Variants in CCNY observed in about 807,000 individuals in gnomAD.
CCNY encodes cyclin-Y.
A neutral mutation model predicts 42.8 loss-of-function variants in CCNY; 19 were observed. That is an observed-to-expected ratio of 0.44 (90% CI 0.31 to 0.65). The LOEUF (loss-of-function observed/expected upper bound fraction) is 0.65. Among genes scored for constraint, CCNY ranks in the 30% least tolerant of loss-of-function variants. The pLI, the probability that CCNY is intolerant of heterozygous loss-of-function variation, is 0.07. For missense variants in CCNY, 370 were observed against 437.3 expected, an observed-to-expected ratio of 0.85 and a Z score of 1.37; for synonymous variants, 165 against 162.7, an observed-to-expected ratio of 1.01 and a Z score of -0.11.
At chr10:35,337,321 A>T in intron 1 of CCNY, 114 bp downstream of exon 1, 3 of 1,137,132 alleles carry the variant, frequency 2.6e-6, no homozygotes, top group Non-Finnish European at 3.5e-6. Context: ...ACCCGTGCAT[A>T]ACCGGGGCTT....
chr10:35,260,522 G>A (rs1052826226), intron 3 of CCNY, among the ~76,000 whole-genome samples: 1 of 152,184 alleles, frequency 6.6e-6, no homozygotes, highest in Admixed American at 6.6e-5. Context: ...ACTAAGATAT[G>A]GGTTTCACCC....
At chr10:35,529,889 C>G in intron 5 of CCNY, 84 bp from the exon 6 acceptor site, 1 of 1,245,730 alleles carries the variant, frequency 8.0e-7, no homozygotes, top group Non-Finnish European at 1.1e-6. Flanking sequence ...AAAAAAAAGT[C>G]ATTGAATTAA....
intron 1 of CCNY, among the ~76,000 whole-genome samples, chr10:35,382,286 TTG>T (rs1206015528): frequency 9.9e-5 from 15 of 152,186 alleles, no homozygotes; most frequent in Admixed American, 9.8e-4. Flanking sequence ...ACTTTGATAT[TTG>T]TCAAGCTTCA....
At chr10:35,401,187 C>A (rs1373254561) in intron 1 of CCNY, among the ~76,000 whole-genome samples, 1 of 152,164 alleles carries the variant, frequency 6.6e-6, no homozygotes, top group African/African-American at 2.4e-5. Context: ...CTCTACCTGC[C>A]CTTGTGATAG....
chr10:35,297,231 A>C (rs1835481564), intron 3 of CCNY, among the ~76,000 whole-genome samples: 1 of 152,224 alleles, frequency 6.6e-6, no homozygotes, highest in African/African-American at 2.4e-5. Flanking sequence ...GTGATTCGTC[A>C]CATAAACAGA....
intron 7 of CCNY, among the ~76,000 whole-genome samples, chr10:35,546,744 G>T (rs1841123525): frequency 6.6e-6 from 1 of 151,890 alleles, no homozygotes; most frequent in African/African-American, 2.4e-5. Context: ...ATCACACCTG[G>T]TTCATGACTG....
intron 8 of CCNY, 103 bp from the exon 9 acceptor site, chr10:35,565,920 A>AGG: frequency 1.8e-6 from 2 of 1,121,718 alleles, no homozygotes; most frequent in Admixed American, 4.5e-5. Flanking sequence ...GTCTTCCTGG[A>AGG]GGATGCAGTT....
chr10:35,492,486 T>G (rs533513304), intron 2 of CCNY, among the ~76,000 whole-genome samples: 13 of 152,164 alleles, frequency 8.5e-5, no homozygotes, highest in Admixed American at 2.6e-4. Flanking sequence ...TAGTGACACA[T>G]AGAGTAATGG....
intron 1 of CCNY, among the ~76,000 whole-genome samples, chr10:35,372,481 A>C (rs979755569): frequency 6.6e-6 from 1 of 152,204 alleles, no homozygotes; most frequent in Non-Finnish European, 1.5e-5. Flanking sequence ...AGTGTGGCTC[A>C]GCCAGCTCTG....
At chr10:35,309,870 A>G (rs1835661868) in intron 3 of CCNY, among the ~76,000 whole-genome samples, 1 of 151,650 alleles carries the variant, frequency 6.6e-6, no homozygotes, top group Admixed American at 6.6e-5. Context: ...TGCAATCTCC[A>G]CTCACTTGCA....
intron 1 of CCNY, among the ~76,000 whole-genome samples, chr10:35,377,690 TATC>T (rs970070285): frequency 3.9e-5 from 6 of 152,238 alleles, no homozygotes; most frequent in Non-Finnish European, 5.9e-5. Context: ...TGTCTGTAGA[TATC>T]ATATTAGAAA....
chr10:35,337,034 G>T lies in CCNY; in HGVS notation c.-20G>T, dbSNP rs1836054023. The T allele has an allele frequency of 1.3e-6, 2 of 1,545,344 alleles. No homozygotes were observed. The highest frequency in any genetic ancestry group is 3.7e-5 in the Admixed American group (2 of 53,342). Reference sequence around the variant, plus strand: ...GACTGGGAGAACAGGATAGCAGCAGGAGTCGGGGGGCCGCCGAAGATGGGG... The same window carrying T: ...GACTGGGAGAACAGGATAGCAGCAGTAGTCGGGGGGCCGCCGAAGATGGGG... On this transcript the variant is annotated 5_prime_UTR_variant, in exon 1 of 10. Transcript: ENST00000374704.
chr10:35,356,501 C>T (rs1370897458), intron 1 of CCNY, among the ~76,000 whole-genome samples: 4 of 152,100 alleles, frequency 2.6e-5, no homozygotes, highest in South Asian at 2.1e-4. Context: ...TGTTTGAGGA[C>T]GTGGATGTGG....
rs369858323 is a variant in CCNY at position 35,553,066 on chromosome 10, G to A, written c.627G>A (p.Pro209=). The A allele has an allele frequency of 2.2e-5, 36 of 1,613,998 alleles. No homozygotes were observed. The highest frequency in any genetic ancestry group is 4.0e-5 in the African/African-American group (3 of 74,898). The change falls in exon 8 of 10, where the codon CCG becomes CCA. Residue 209 remains proline, a synonymous_variant. Transcript: ENST00000374704. Reference sequence around the variant, plus strand: ...CATACGCAGAGATAGATATCTGTCCGGCCAACTGGAAGCGGATTGTTTTAG... The same window carrying A: ...CATACGCAGAGATAGATATCTGTCCAGCCAACTGGAAGCGGATTGTTTTAG... ...LLTYAEIDIC[P]ANWKRIVLGA...
At chr10:35,520,925 C>T (rs1231406238) in intron 4 of CCNY, among the ~76,000 whole-genome samples, 1 of 152,144 alleles carries the variant, frequency 6.6e-6, no homozygotes, top group Non-Finnish European at 1.5e-5. Context: ...TGGTGGGGAG[C>T]CCCTTTGCGC....
chr10:35,364,281 A>G (rs1351010677), intron 1 of CCNY, among the ~76,000 whole-genome samples: 1 of 152,122 alleles, frequency 6.6e-6, no homozygotes, highest in African/African-American at 2.4e-5. Flanking sequence ...AGCAAGCAGG[A>G]GTGGAATTCA....
chr10:35,416,721 G>A (rs993967921), intron 1 of CCNY, among the ~76,000 whole-genome samples: 4 of 152,170 alleles, frequency 2.6e-5, no homozygotes, highest in African/African-American at 9.7e-5. Context: ...ACCTTTAACA[G>A]ATGGCTGAAA....
At chr10:35,417,441 G>C (rs1380639115) in intron 1 of CCNY, among the ~76,000 whole-genome samples, 1 of 152,154 alleles carries the variant, frequency 6.6e-6, no homozygotes, top group Non-Finnish European at 1.5e-5. Context: ...CTGTATAATG[G>C]GGTCACTAAT....
At chr10:35,555,552 C>G (rs939213801) in intron 8 of CCNY, among the ~76,000 whole-genome samples, 4 of 152,220 alleles carry the variant, frequency 2.6e-5, no homozygotes, top group African/African-American at 9.6e-5. Context: ...TAATTCACAT[C>G]TCACATTTAT....
Sources: gnomAD v4.1 joint callset for allele counts (sites outside exome capture counted in the v4.1 genomes callset) on GRCh38, gnomAD v4.1.1 for gene constraint, MANE v1.5 for transcripts, NCBI Gene and HGNC (gene_info 2026-07-23, HGNC 2026-07-21) for gene names.